TMEM30A: variants seen among roughly 807,000 people sequenced by gnomAD.
TMEM30A encodes the protein cell cycle control protein 50A.
A neutral mutation model predicts 38.2 loss-of-function variants in TMEM30A; 24 were observed. The ratio of observed to expected loss-of-function variants is 0.63; its 90% CI spans 0.46 to 0.88. TMEM30A has a LOEUF of 0.88. Among genes scored for constraint, TMEM30A ranks in the 40% least tolerant of loss-of-function variants. TMEM30A has a pLI of 0.00. For missense variants in TMEM30A, 370 were observed against 458.6 expected (o/e 0.81, Z 1.77); for synonymous variants, 145 against 161.6 (o/e 0.90, Z 0.78).
rs1771839955 is a variant in TMEM30A at position 75,254,733 on chromosome 6, A to C, written c.*1369T>G. The C allele has an allele frequency of 6.6e-6, 1 of 152,522 alleles. No homozygotes were observed. The highest frequency in any genetic ancestry group is 6.6e-5 in the Admixed American group (1 of 15,256). 9.4% of individuals were successfully genotyped at this position (152,522 alleles called of 1,614,324 possible). ...ACAAACATGAGTTATTTCAGTAAAA[A>C]AACAACAACAAAAAAGCAATTTCAA... On this transcript the variant is annotated 3_prime_UTR_variant, in exon 7 of 7. Transcript: ENST00000230461.
intron 1 of TMEM30A, chr6:75,272,413 A>T (rs1402440920): frequency 6.6e-6 from 1 of 152,198 alleles, no homozygotes; most frequent in Non-Finnish European, 1.5e-5. Flanking sequence ...TTGCTTCCTT[A>T]AACCTTTCAT....
At chr6:75,279,381 A>G (rs921860782) in intron 1 of TMEM30A, among the ~76,000 whole-genome samples, 12 of 152,168 alleles carry the variant, frequency 7.9e-5, no homozygotes, top group Non-Finnish European at 8.8e-5. Context: ...TTTTTTGAAT[A>G]AAGTTGTTAC....
At chr6:75,266,726 T>C (rs1366022205) in intron 2 of TMEM30A, among the ~76,000 whole-genome samples, 1 of 152,244 alleles carries the variant, frequency 6.6e-6, no homozygotes, top group Non-Finnish European at 1.5e-5. Flanking sequence ...ATTTATTGTA[T>C]CTTTATTGTC....
At chr6:75,275,379 T>C (rs1408735896) in intron 1 of TMEM30A, among the ~76,000 whole-genome samples, 1 of 152,210 alleles carries the variant, frequency 6.6e-6, no homozygotes, top group African/African-American at 2.4e-5. Context: ...AACTCTATAT[T>C]TGTTTGCCTA....
At chr6:75,273,243 C>A (rs1322009662) in intron 1 of TMEM30A, among the ~76,000 whole-genome samples, 2 of 152,050 alleles carry the variant, frequency 1.3e-5, no homozygotes, top group African/African-American at 4.8e-5. Context: ...AAATGTCCGG[C>A]AGGAAATAAG....
At chr6:75,265,598 G>T (rs1772055317) in intron 2 of TMEM30A, among the ~76,000 whole-genome samples, 1 of 152,202 alleles carries the variant, frequency 6.6e-6, no homozygotes, top group Non-Finnish European at 1.5e-5. Flanking sequence ...TACATTAAAA[G>T]AGAATATTCA....
At chr6:75,274,782 G>A (rs1447506772) in intron 1 of TMEM30A, among the ~76,000 whole-genome samples, 1 of 152,062 alleles carries the variant, frequency 6.6e-6, no homozygotes, top group African/African-American at 2.4e-5. Context: ...CCAGCACTTT[G>A]GGAGGCCAAG....
Position 75,267,918 on chromosome 6 carries a change from G to A in TMEM30A, c.238-170C>T, listed in dbSNP as rs144571997. On this transcript the variant is annotated intron_variant, in intron 1 of 6. Coordinates refer to ENST00000230461, the MANE Select transcript of TMEM30A (RefSeq NM_018247.4). Reference sequence around the variant, plus strand: ...TGACAGTGTGAGGTAGTAAAAACTGGAAAGGGTCCTCTGTTGTTCTACTGG... The same window carrying A: ...TGACAGTGTGAGGTAGTAAAAACTGAAAAGGGTCCTCTGTTGTTCTACTGG... 3.1e-3 allele frequency among the ~76,000 whole-genome samples: 470 copies of A among 152,234 alleles called. 2 individuals carry two copies. Among genetic ancestry groups the A allele is most frequent in the Middle Eastern group, 0.024 (7 of 294 alleles).
intron 1 of TMEM30A, among the ~76,000 whole-genome samples, chr6:75,276,406 A>G (rs1772259776): frequency 6.6e-6 from 1 of 152,226 alleles, no homozygotes; most frequent in Non-Finnish European, 1.5e-5. Context: ...CTAAAGTGAG[A>G]GGCAGTCTTG....
chr6:75,270,878 T>G (rs1582281918), intron 1 of TMEM30A, among the ~76,000 whole-genome samples: 2 of 152,260 alleles, frequency 1.3e-5, no homozygotes, highest in South Asian at 4.1e-4. Context: ...ACTGCATAAT[T>G]AAAGAAGAGC....
rs1430194019 is a variant in TMEM30A at position 75,268,596 on chromosome 6, T to C, written c.238-848A>G. ...ATACAGGGAGAGGGCATAAAAGCTC[T>C]GCATTCAGGACTGTTCGAGACCTTG... On this transcript the variant is annotated intron_variant, in intron 1 of 6. Transcript: ENST00000230461. Among the ~76,000 whole-genome samples, 3 of 152,224 alleles carry C rather than the reference T, an allele frequency of 2.0e-5. 1 individual carries two copies. Among genetic ancestry groups the C allele is most frequent in the Admixed American group, 2.0e-4 (3 of 15,288 alleles).
At chr6:75,256,935 T>C (rs1028174236) in intron 6 of TMEM30A, among the ~76,000 whole-genome samples, 25 of 152,100 alleles carry the variant, frequency 1.6e-4, no homozygotes, top group African/African-American at 5.6e-4. Context: ...GGACCAGTTG[T>C]AGAATTTTGC....
intron 3 of TMEM30A, among the ~76,000 whole-genome samples, chr6:75,264,119 G>A (rs1772020881): frequency 6.6e-6 from 1 of 152,096 alleles, no homozygotes; most frequent in Admixed American, 6.5e-5. Flanking sequence ...TGTATACCAA[G>A]GAATCTTTAA....
Position 75,261,352 on chromosome 6 carries a change from A to G in TMEM30A, c.454-441T>C, listed in dbSNP as rs551547698. On this transcript the variant is annotated intron_variant, in intron 3 of 6. Coordinates refer to ENST00000230461, the MANE Select transcript of TMEM30A (RefSeq NM_018247.4). The stretch of plus-strand genomic sequence containing the variant: ...TAATTTAACTGGGCCTCACAAAATA[A>G]ACATGTCCAACTATACAATCTGAAA... 3.9e-5 allele frequency among the ~76,000 whole-genome samples: 6 copies of G among 152,320 alleles called. No individual in the cohort carries two copies. The South Asian group carries it at 1.2e-3, about 32-fold the overall frequency.
intron 2 of TMEM30A, among the ~76,000 whole-genome samples, chr6:75,267,423 C>A: frequency 6.6e-6 from 1 of 152,180 alleles, no homozygotes; most frequent in South Asian, 2.1e-4. Context: ...ATTTTGTCTA[C>A]AAAGTACTAA....
Position 75,265,291 on chromosome 6 carries a change from A to G in TMEM30A, c.393T>C (p.His131=), listed in dbSNP as rs189501029. 38 of 1,612,182 alleles carry G rather than the reference A, an allele frequency of 2.4e-5. No individual in the cohort carries two copies. The highest frequency in any genetic ancestry group is 3.1e-5 in the Non-Finnish European group (36 of 1,179,012). The change falls in exon 3 of 7, where the codon CAT becomes CAC. Residue 131 remains histidine, a synonymous_variant. Transcript: ENST00000230461. ...CATCTCGAGATTTCACGTAACGACG[A>G]TGGTTTTGATAGAAATTAGACAGTC... ...YYGLSNFYQN[H]RRYVKSRDDS...
In TMEM30A at chr6:75,284,779, G is replaced by A; in HGVS notation, c.-141C>T. 2 of 789,958 alleles carry A rather than the reference G, an allele frequency of 2.5e-6. No homozygotes were observed. The highest frequency in any genetic ancestry group is 1.5e-5 in the South Asian group (1 of 68,142). 48.9% of individuals were successfully genotyped at this position (789,958 alleles called of 1,614,324 possible). On this transcript the variant is annotated 5_prime_UTR_variant, in exon 1 of 7. Coordinates refer to ENST00000230461, the MANE Select transcript of TMEM30A (RefSeq NM_018247.4). ...CGCCACCGCCACAGCCACCTCCGCT[G>A]TAGAGCGGAAGAGGCGGGACACTCT...
intron 3 of TMEM30A, among the ~76,000 whole-genome samples, chr6:75,264,626 A>T (rs531364587): frequency 6.6e-6 from 1 of 151,846 alleles, no homozygotes; most frequent in East Asian, 1.9e-4. Context: ...ATAGAGTGAG[A>T]CTCTGTCTCA....
chr6:75,270,365 T>G (rs1562393754), intron 1 of TMEM30A, among the ~76,000 whole-genome samples: 1 of 152,202 alleles, frequency 6.6e-6, no homozygotes, highest in Non-Finnish European at 1.5e-5. Context: ...TGTGTCCCCC[T>G]AAATGTCCTA....
Sources: gnomAD v4.1 joint callset for allele counts (sites outside exome capture counted in the v4.1 genomes callset) on GRCh38, gnomAD v4.1.1 for gene constraint, MANE v1.5 for transcripts, NCBI Gene and HGNC (gene_info 2026-07-23, HGNC 2026-07-21) for gene names.